Variants in SLC37A1 observed in about 807,000 individuals in gnomAD.
The protein encoded by SLC37A1 is solute carrier family 37 member 1.
SLC37A1 carries 49 observed loss-of-function variants against 75.3 expected under a neutral mutation model. The ratio of observed to expected loss-of-function variants is 0.65; its 90% CI spans 0.52 to 0.83. The LOEUF is 0.83. Ranked by LOEUF, SLC37A1 falls within the 40% of genes least tolerant of loss-of-function variation. The probability of loss-of-function intolerance (pLI) is 0.00; values close to 1 mark genes in which losing one functional copy is unlikely to be tolerated. For synonymous variants in SLC37A1, 268 were observed against 292.1 expected (o/e 0.92, Z 0.84); for missense variants, 566 against 695.0 (o/e 0.81, Z 2.09).
rs574138385 is a variant in SLC37A1 at position 42,518,447 on chromosome 21, C to T, written c.-8C>T. On this transcript the variant is annotated 5_prime_UTR_variant, in exon 2 of 20. An upstream open reading frame in the 5' UTR gains an earlier in-frame stop. Coordinates refer to ENST00000352133, the MANE Select transcript of SLC37A1 (RefSeq NM_001320537.2). ...GCGACCGAGGCTCAGTGGTCAGTGG[C>T]GACGTAAATGGCTCGACTCCCCGCT... The T allele has an allele frequency of 1.6e-5, 26 of 1,613,878 alleles. No homozygotes were observed. The highest frequency in any genetic ancestry group is 1.6e-4 in the Middle Eastern group (1 of 6,084).
At chr21:42,501,384 G>C (rs1015067956) in intron 1 of SLC37A1, among the ~76,000 whole-genome samples, 1 of 152,162 alleles carries the variant, frequency 6.6e-6, no homozygotes, top group African/African-American at 2.4e-5. Context: ...GACCCATTGG[G>C]GGGCAAATTC....
chr21:42,559,156 G>C (rs2055763561), intron 11 of SLC37A1, 67 bp downstream of exon 11: 1 of 1,554,466 alleles, frequency 6.4e-7, no homozygotes, highest in African/African-American at 1.4e-5. Flanking sequence ...AGTCTGGTCG[G>C]TTGATGATTA....
chr21:42,513,018 A>G (rs998816943), upstream of SLC37A1, among the ~76,000 whole-genome samples: 1 of 152,094 alleles, frequency 6.6e-6, no homozygotes, highest in Non-Finnish European at 1.5e-5. Context: ...TTATCCTTAA[A>G]CATTGTTTTA....
In SLC37A1 at chr21:42,570,109, T is replaced by TTCTGAGAAGCGGC. The variant is rs1569040846; in HGVS notation, c.1423+1671_1423+1672insTCTGAGAAGCGGC. 4.1e-3 allele frequency among the ~76,000 whole-genome samples: 192 copies of TTCTGAGAAGCGGC among 46,662 alleles called. 12 individuals carry two copies. The highest frequency in any genetic ancestry group is 8.9e-3 in the South Asian group (13 of 1,454). The allele number at this position is 46,662 out of a possible 152,430, so 30.6% of individuals were successfully genotyped here. ...CACACGGCCTGGTTCTGAGAAGTGGTGGGCAGGGTGGCTGTTGCCATGTGA... is the reference window on the plus strand; with the variant it reads ...CACACGGCCTGGTTCTGAGAAGTGGTTCTGAGAAGCGGCGGGCAGGGTGGCTGTTGCCATGTGA... On this transcript the variant is annotated intron_variant, in intron 17 of 19. Coordinates refer to ENST00000352133, the MANE Select transcript of SLC37A1 (RefSeq NM_001320537.2).
At chr21:42,516,625 A>G (rs756637842) in intron 1 of SLC37A1, among the ~76,000 whole-genome samples, 1 of 152,246 alleles carries the variant, frequency 6.6e-6, no homozygotes, top group Non-Finnish European at 1.5e-5. Flanking sequence ...CCCATTTTAC[A>G]GGGAAAAGAA....
chr21:42,527,892 C>T (rs1172175363), intron 3 of SLC37A1, among the ~76,000 whole-genome samples: 1 of 152,186 alleles, frequency 6.6e-6, no homozygotes, highest in Non-Finnish European at 1.5e-5. Context: ...CAAAACTAAA[C>T]TTTATAGTGC....
chr21:42,554,185 C>T, intron 10 of SLC37A1, 43 bp downstream of exon 10: 1 of 1,577,454 alleles, frequency 6.3e-7, no homozygotes, highest in South Asian at 1.1e-5. Flanking sequence ...GTCGGAGCTG[C>T]AGGAAAACTC....
At chr21:42,532,966 T>C (rs574011084) in intron 3 of SLC37A1, among the ~76,000 whole-genome samples, 14 of 152,320 alleles carry the variant, frequency 9.2e-5, no homozygotes, top group African/African-American at 3.4e-4. Context: ...AGCAGCTGCA[T>C]CACGTGTGAC....
chr21:42,525,326 A>G (rs531492309), intron 2 of SLC37A1, among the ~76,000 whole-genome samples: 18 of 152,362 alleles, frequency 1.2e-4, no homozygotes, highest in African/African-American at 4.3e-4. Flanking sequence ...GCAGGTCACA[A>G]CCTGGGGCTT....
At chr21:42,501,846 T>C (rs1489271638) in intron 1 of SLC37A1, among the ~76,000 whole-genome samples, 1 of 152,212 alleles carries the variant, frequency 6.6e-6, no homozygotes, top group African/African-American at 2.4e-5. Flanking sequence ...ATGCTGCAGA[T>C]AGCCTCACTC....
intron 5 of SLC37A1, among the ~76,000 whole-genome samples, chr21:42,536,630 C>T (rs565869252): frequency 4.5e-4 from 68 of 152,316 alleles, no homozygotes; most frequent in African/African-American, 1.5e-3. Flanking sequence ...GCAAGAGCCT[C>T]GTGCCACATT....
At position 42,547,657 on chromosome 21, in the gene SLC37A1, C is replaced by G. The variant is rs990221686; in HGVS notation, c.768+517C>G. The G allele has an allele frequency of 6.4e-6, 1 of 156,388 alleles. No individual in the cohort carries two copies. Among genetic ancestry groups the G allele is most frequent in the African/African-American group, 2.4e-5 (1 of 41,476 alleles). The allele number at this position is 156,388 out of a possible 1,614,324, so 9.7% of individuals were successfully genotyped here. A position where few individuals can be genotyped will look rare whatever the true frequency, so the allele number is the denominator to read the frequency against. On this transcript the variant is annotated intron_variant, in intron 9 of 19. Coordinates refer to ENST00000352133, the MANE Select transcript of SLC37A1 (RefSeq NM_001320537.2). This position sits in a 1 kb window ranked among gnomAD's most constrained non-coding sequence, Gnocchi z 6.1. ...GAGCCCTGCCCTAGCTGCCTCCACCCGCAGCCAGTCACCACTGGCCACTTT... is the reference window on the plus strand; with the variant it reads ...GAGCCCTGCCCTAGCTGCCTCCACCGGCAGCCAGTCACCACTGGCCACTTT...
intron 12 of SLC37A1, among the ~76,000 whole-genome samples, chr21:42,562,595 A>G (rs995135452): frequency 6.6e-6 from 1 of 152,188 alleles, no homozygotes; most frequent in Non-Finnish European, 1.5e-5. Flanking sequence ...GGCAGGGCCG[A>G]CAGTTTGCTT....
rs199829848 is a variant in SLC37A1 at position 42,567,071 on chromosome 21, G to A, written c.1344+13G>A. 1.2e-4 allele frequency: 196 copies of A among 1,608,178 alleles called. No individual in the cohort carries two copies. The highest frequency in any genetic ancestry group is 1.5e-4 in the Non-Finnish European group (180 of 1,179,696). ...CTCCGCCGACCTGGTGAGTAGAACC[G>A]GGAGAGACACCAGCCCTGTGGGCAC... On this transcript the variant is annotated intron_variant, in intron 16 of 19. Coordinates refer to ENST00000352133, the MANE Select transcript of SLC37A1 (RefSeq NM_001320537.2).
At chr21:42,532,393 C>G (rs1210026005) in intron 3 of SLC37A1, among the ~76,000 whole-genome samples, 1 of 152,242 alleles carries the variant, frequency 6.6e-6, no homozygotes, top group Non-Finnish European at 1.5e-5. Context: ...TTCAGCTTCT[C>G]CCTGCACATG....
chr21:42,575,375 C>T (rs760950798), intron 18 of SLC37A1: 36 of 985,340 alleles, frequency 3.7e-5, no homozygotes, highest in Middle Eastern at 5.2e-4. Flanking sequence ...TGCTGTCAGA[C>T]GGCGGGAGCG....
At chr21:42,579,900 A>G in intron 19 of SLC37A1, 100 bp downstream of exon 19, 1 of 1,130,244 alleles carries the variant, frequency 8.8e-7, no homozygotes, top group African/African-American at 1.5e-5. Flanking sequence ...AAAGAAAGAA[A>G]ACGCGTGGCT....
chr21:42,538,372 A>G (rs1222935858), intron 5 of SLC37A1, among the ~76,000 whole-genome samples: 1 of 152,248 alleles, frequency 6.6e-6, no homozygotes, highest in Non-Finnish European at 1.5e-5. Context: ...GGTCATTTGC[A>G]TGATCCAAGG....
At chr21:42,510,148 C>A (rs1300229686), upstream of SLC37A1, among the ~76,000 whole-genome samples, 2 of 152,234 alleles carry the variant, frequency 1.3e-5, no homozygotes, top group Non-Finnish European at 2.9e-5. Context: ...CTGCCTCAGC[C>A]TCCTGAGTAG....
Sources: allele counts gnomAD v4.1 joint callset (sites outside exome capture counted in the v4.1 genomes callset), GRCh38; gene constraint gnomAD v4.1.1; non-coding constraint Gnocchi (gnomAD v3.1); transcripts MANE v1.5; gene names NCBI Gene and HGNC (gene_info 2026-07-23, HGNC 2026-07-21).